Variants in B3GAT2 observed in about 807,000 individuals in gnomAD.
The protein encoded by B3GAT2 is galactosylgalactosylxylosylprotein 3-beta-glucuronosyltransferase 2.
Under a neutral mutation model 27.8 loss-of-function variants are expected in B3GAT2, and 26 were observed. That is an observed-to-expected ratio of 0.93 (90% CI 0.68 to 1.30). The LOEUF (loss-of-function observed/expected upper bound fraction) is 1.30. Among genes scored for constraint, B3GAT2 ranks in the 50% most tolerant of loss-of-function variants. The pLI, the probability that B3GAT2 is intolerant of heterozygous loss-of-function variation, is 0.00. For missense variants in B3GAT2, 458 were observed against 459.0 expected (o/e 1.00, Z 0.02); for synonymous variants, 218 against 195.1 (o/e 1.12, Z -0.98).
At chr6:70,881,675 C>T (rs893051860) in intron 2 of B3GAT2, among the ~76,000 whole-genome samples, 13 of 152,166 alleles carry the variant, frequency 8.5e-5, no homozygotes, top group Non-Finnish European at 1.6e-4. Flanking sequence ...ACAACCCCCA[C>T]CTGATGTGGG....
intron 1 of B3GAT2, among the ~76,000 whole-genome samples, chr6:70,935,335 T>G (rs550942376): frequency 8.5e-4 from 130 of 152,050 alleles, no homozygotes; most frequent in African/African-American, 3.0e-3. Flanking sequence ...GTGCCTGTAG[T>G]CCCAGCTACT....
chr6:70,889,513 T>C (rs1772249728), intron 2 of B3GAT2, among the ~76,000 whole-genome samples: 1 of 152,146 alleles, frequency 6.6e-6, no homozygotes, highest in Non-Finnish European at 1.5e-5. Flanking sequence ...TGATAGGCCG[T>C]AGGCGAGGAG....
chr6:70,937,495 A>C (rs1285745123), intron 1 of B3GAT2, among the ~76,000 whole-genome samples: 1 of 152,140 alleles, frequency 6.6e-6, no homozygotes, highest in Non-Finnish European at 1.5e-5. Context: ...TGGATGCAAA[A>C]ATCCTCAATA....
At chr6:70,867,742 G>A (rs1269299836) in intron 2 of B3GAT2, among the ~76,000 whole-genome samples, 1 of 152,104 alleles carries the variant, frequency 6.6e-6, no homozygotes, top group Non-Finnish European at 1.5e-5. Flanking sequence ...AGCATTTAAG[G>A]AAGAAATGAC....
chr6:70,897,665 A>AT (rs1772411829), intron 1 of B3GAT2, among the ~76,000 whole-genome samples: 7 of 80,030 alleles, frequency 8.7e-5, no homozygotes, highest in Non-Finnish European at 1.8e-4. Context: ...CTTGAAAAAA[A>AT]AAAAAATATA....
At chr6:70,918,992 T>C (rs1214900956) in intron 1 of B3GAT2, among the ~76,000 whole-genome samples, 2 of 152,234 alleles carry the variant, frequency 1.3e-5, no homozygotes, top group East Asian at 3.8e-4. Flanking sequence ...AAGAGTGTTT[T>C]ATAACCTGGT....
intron 1 of B3GAT2, among the ~76,000 whole-genome samples, chr6:70,941,695 A>C (rs1338322254): frequency 6.6e-6 from 1 of 152,190 alleles, no homozygotes; most frequent in African/African-American, 2.4e-5. Flanking sequence ...CACAGACTTC[A>C]AAACTATGAT....
intron 1 of B3GAT2, among the ~76,000 whole-genome samples, chr6:70,927,823 G>A (rs1413677729): frequency 5.3e-5 from 8 of 152,260 alleles, no homozygotes; most frequent in African/African-American, 1.9e-4. Flanking sequence ...ACTCAGCTCT[G>A]CACCAAGTGG....
At chr6:70,908,730 A>G in intron 1 of B3GAT2, among the ~76,000 whole-genome samples, 1 of 152,190 alleles carries the variant, frequency 6.6e-6, no homozygotes, top group East Asian at 1.9e-4. Flanking sequence ...AATAAACACA[A>G]CAAGAGAGGA....
intron 1 of B3GAT2, among the ~76,000 whole-genome samples, chr6:70,921,192 G>T (rs1254630910): frequency 6.6e-6 from 1 of 152,042 alleles, no homozygotes; most frequent in Non-Finnish European, 1.5e-5. Flanking sequence ...TGGAAAAATT[G>T]CTTTTTCTCT....
At chr6:70,953,849 T>C (rs1765610760) in intron 1 of B3GAT2, among the ~76,000 whole-genome samples, 1 of 152,172 alleles carries the variant, frequency 6.6e-6, no homozygotes, top group Non-Finnish European at 1.5e-5. Context: ...TTCCCCCATA[T>C]GGACTAATGA....
At position 70,857,666 on chromosome 6, in the gene B3GAT2, T is replaced by C. The variant is rs1317227758; in HGVS notation, c.*3997A>G. 1.0e-5 allele frequency: 5 copies of C among 480,290 alleles called. No homozygotes were observed. The highest frequency in any genetic ancestry group is 3.8e-5 in the East Asian group (1 of 26,128). The allele number at this position is 480,290 out of a possible 1,614,324, so 29.8% of individuals were successfully genotyped here. ...ATAGTTTGGTCTTCACAGTGGAAGA[T>C]ATTTTGTGTGGCTGTTGCATATGAT... On this transcript the variant is annotated 3_prime_UTR_variant, in exon 4 of 4. Transcript: ENST00000230053.
intron 1 of B3GAT2, among the ~76,000 whole-genome samples, chr6:70,954,741 T>C (rs1326677521): frequency 6.6e-6 from 1 of 152,194 alleles, no homozygotes; most frequent in Non-Finnish European, 1.5e-5. Flanking sequence ...GGCAACAGTC[T>C]CACAGGGCGT....
intron 2 of B3GAT2, among the ~76,000 whole-genome samples, chr6:70,869,014 T>C (rs946030873): frequency 6.6e-6 from 1 of 152,226 alleles, no homozygotes; most frequent in Admixed American, 6.5e-5. Flanking sequence ...TTTAGCATAT[T>C]CATAACTCTG....
At chr6:70,914,206 A>G (rs1416344115) in intron 1 of B3GAT2, among the ~76,000 whole-genome samples, 1 of 152,100 alleles carries the variant, frequency 6.6e-6, no homozygotes, top group Non-Finnish European at 1.5e-5. Flanking sequence ...GTGGTTATAC[A>G]TGTGCCATGC....
chr6:70,892,075 C>A (rs544493570), intron 2 of B3GAT2, among the ~76,000 whole-genome samples: 1 of 152,166 alleles, frequency 6.6e-6, no homozygotes, highest in Non-Finnish European at 1.5e-5. Flanking sequence ...AAGTTGTCTC[C>A]TTAGAGACAC....
chr6:70,857,265 A>G lies in B3GAT2; in HGVS notation c.*4398T>C. 1 of 336,646 alleles carries G rather than the reference A, an allele frequency of 3.0e-6. No individual in the cohort carries two copies. The highest frequency in any genetic ancestry group is 5.4e-6 in the Non-Finnish European group (1 of 186,736). The allele number at this position is 336,646 out of a possible 1,614,324, so 20.9% of individuals were successfully genotyped here. A position where few individuals can be genotyped will look rare whatever the true frequency, so the allele number is the denominator to read the frequency against. On this transcript the variant is annotated 3_prime_UTR_variant, in exon 4 of 4. Coordinates refer to ENST00000230053, the MANE Select transcript of B3GAT2 (RefSeq NM_080742.3). ...TAACAAGCTGTTCATAGATCACTAA[A>G]TGTTGTTTCACAAGCTTATAGAACA...
At chr6:70,897,437 T>C (rs1309033066) in intron 1 of B3GAT2, among the ~76,000 whole-genome samples, 4 of 152,136 alleles carry the variant, frequency 2.6e-5, no homozygotes, top group Admixed American at 1.3e-4. Context: ...TTTGATGTTC[T>C]ACTTAAAATA....
intron 1 of B3GAT2, among the ~76,000 whole-genome samples, chr6:70,949,869 C>G (rs1765551014): frequency 6.6e-6 from 1 of 151,870 alleles, no homozygotes; most frequent in Non-Finnish European, 1.5e-5. Context: ...GAATACTATG[C>G]AGCCATAAAA....
Sources: gnomAD v4.1 joint callset for allele counts (sites outside exome capture counted in the v4.1 genomes callset) on GRCh38, gnomAD v4.1.1 for gene constraint, MANE v1.5 for transcripts, NCBI Gene and HGNC (gene_info 2026-07-23, HGNC 2026-07-21) for gene names.